ANKRD36: variants seen among roughly 807,000 people sequenced by gnomAD.
ANKRD36 encodes ankyrin repeat domain-containing protein 36A.
Under a neutral mutation model 278.1 loss-of-function variants are expected in ANKRD36, and 179 were observed. That is an observed-to-expected ratio of 0.64 (90% CI 0.57 to 0.73). The LOEUF (loss-of-function observed/expected upper bound fraction) is 0.73, where lower values mean the gene tolerates loss of function less well. ANKRD36 is among the 30% of genes least tolerant of loss of function. The pLI is 0.00. For missense variants in ANKRD36, 1,159 were observed against 1,956.7 expected (o/e 0.59, Z 7.69); for synonymous variants, 320 against 641.1 (o/e 0.50, Z 7.57).
At chr2:97,221,178 T>A (rs1487466266) in intron 66 of ANKRD36, among the ~76,000 whole-genome samples, 1 of 134,758 alleles carries the variant, frequency 7.4e-6, no homozygotes, top group Non-Finnish European at 1.5e-5. Context: ...AGTCTATCAT[T>A]GTTGGACATT....
chr2:97,124,331 A>G, intron 4 of ANKRD36, 129 bp from the exon 5 acceptor site: 9 of 1,251,278 alleles, frequency 7.2e-6, no homozygotes, highest in Non-Finnish European at 9.6e-6. Flanking sequence ...AGCACCCAAG[A>G]TGCTTGTTTC....
rs551341687 is a variant in ANKRD36 at position 97,181,836 on chromosome 2, A to G, written c.1837+43A>G. On this transcript the variant is annotated intron_variant, in intron 26 of 75. Transcript: ENST00000420699. Reference sequence around the variant, plus strand: ...ATTTAATGTCATGTTCAGTCAAGATAGAAAAGTACTTCTCTTCCCCGAATA... The same window carrying G: ...ATTTAATGTCATGTTCAGTCAAGATGGAAAAGTACTTCTCTTCCCCGAATA... 3.0e-4 allele frequency: 423 copies of G among 1,392,558 alleles called. 4 individuals are homozygous for G. In the African/African-American group the frequency reaches 4.9e-3, roughly 16 times the overall value. The allele number at this position is 1,392,558 out of a possible 1,614,324, so 86.3% of individuals were successfully genotyped here. A position where few individuals can be genotyped will look rare whatever the true frequency, so the allele number is the denominator to read the frequency against.
intron 22 of ANKRD36, among the ~76,000 whole-genome samples, chr2:97,173,097 A>G (rs1055607633): frequency 2.6e-5 from 4 of 151,448 alleles, no homozygotes; most frequent in Non-Finnish European, 5.9e-5. Flanking sequence ...ATTTTGGTGC[A>G]TCAAGGAGAG....
chr2:97,228,339 T>G (rs1335529953), intron 67 of ANKRD36, among the ~76,000 whole-genome samples: 2 of 152,082 alleles, frequency 1.3e-5, no homozygotes, highest in Non-Finnish European at 2.9e-5. Context: ...ATTCAGAGAT[T>G]CAACTTCTTC....
intron 10 of ANKRD36, among the ~76,000 whole-genome samples, chr2:97,145,206 T>C (rs1335257454): frequency 2.0e-5 from 3 of 151,838 alleles, no homozygotes; most frequent in Non-Finnish European, 4.4e-5. Context: ...AAAGAAGTTA[T>C]TTGTTTAATT....
chr2:97,200,712 T>C (rs879306812), intron 46 of ANKRD36, among the ~76,000 whole-genome samples, 187 bp downstream of exon 46: 2 of 151,858 alleles, frequency 1.3e-5, no homozygotes, highest in African/African-American at 4.8e-5. Context: ...CGCTGTAAGA[T>C]TATACGCATC....
chr2:97,217,998 G>A (rs540394559), intron 64 of ANKRD36, among the ~76,000 whole-genome samples: 2 of 152,096 alleles, frequency 1.3e-5, no homozygotes, highest in Non-Finnish European at 2.9e-5. Flanking sequence ...ACTGGAATCA[G>A]GAAGGAGTGC....
rs571045355 is a variant in ANKRD36 at position 97,202,404 on chromosome 2, A to G, written c.2959+11A>G. On this transcript the variant is annotated intron_variant, in intron 48 of 75. Coordinates refer to ENST00000420699, the MANE Select transcript of ANKRD36 (RefSeq NM_001354587.1). Reference sequence around the variant, plus strand: ...AAAAATCTAGGACAGGTAATTTTGAAAACAGATTTAATGTCATGTTCAGTC... The same window carrying G: ...AAAAATCTAGGACAGGTAATTTTGAGAACAGATTTAATGTCATGTTCAGTC... 1 of 1,546,344 alleles carries G rather than the reference A, an allele frequency of 6.5e-7. No individual in the cohort carries two copies. Among genetic ancestry groups the G allele is most frequent in the Non-Finnish European group, 8.7e-7 (1 of 1,147,462 alleles).
intron 64 of ANKRD36, 133 bp downstream of exon 64, chr2:97,217,505 A>G (rs999646014): frequency 1.6e-6 from 2 of 1,267,288 alleles, no homozygotes; most frequent in African/African-American, 3.1e-5. Context: ...GTGCATTTCT[A>G]CTGAGTTGTC....
At chr2:97,199,269 A>G (rs1453670178) in intron 44 of ANKRD36, among the ~76,000 whole-genome samples, 1 of 151,950 alleles carries the variant, frequency 6.6e-6, no homozygotes, top group African/African-American at 2.4e-5. Flanking sequence ...GGAAGCAGGA[A>G]ACAATGGTAT....
At chr2:97,137,583 A>G (rs1390793498) in intron 6 of ANKRD36, among the ~76,000 whole-genome samples, 3 of 93,922 alleles carry the variant, frequency 3.2e-5, no homozygotes, top group Non-Finnish European at 9.8e-5. Context: ...CACTGTACAT[A>G]TATATATATA....
At chr2:97,198,763 T>A in intron 44 of ANKRD36, 105 bp downstream of exon 44, 1 of 1,219,534 alleles carries the variant, frequency 8.2e-7, no homozygotes, top group Non-Finnish European at 1.1e-6. Flanking sequence ...ACATTCTGAT[T>A]CAGCAGTCCT....
At position 97,177,739 on chromosome 2, in the gene ANKRD36, G is replaced by T. The variant is rs1465095760; in HGVS notation, c.1634-1999G>T. ...CATAAAAACCCTAGAAGAAAACCTA[G>T]CCATTACCATTCAGGACATAGGCAT... On this transcript the variant is annotated intron_variant, in intron 22 of 75. Transcript: ENST00000420699. Among the ~76,000 whole-genome samples the T allele has an allele frequency of 4.0e-5, 6 of 151,736 alleles. No individual in the cohort carries two copies. In the Admixed American group the frequency reaches 4.0e-4, roughly 10 times the overall value.
intron 22 of ANKRD36, among the ~76,000 whole-genome samples, chr2:97,176,910 T>C (rs1377881975): frequency 6.6e-6 from 1 of 151,802 alleles, no homozygotes; most frequent in East Asian, 1.9e-4. Flanking sequence ...GATATGAAAA[T>C]TGTATATCTA....
intron 42 of ANKRD36, among the ~76,000 whole-genome samples, chr2:97,197,881 C>T (rs562987370): frequency 2.0e-5 from 3 of 151,808 alleles, no homozygotes; most frequent in East Asian, 2.0e-4. Context: ...TACTCCATAT[C>T]GGGGTGAGAG....
intron 66 of ANKRD36, among the ~76,000 whole-genome samples, chr2:97,220,149 G>A (rs1441474339): frequency 6.2e-5 from 9 of 145,500 alleles, no homozygotes; most frequent in Non-Finnish European, 1.2e-4. Flanking sequence ...TGGAGTAGAT[G>A]AGATAGTTTG....
intron 22 of ANKRD36, among the ~76,000 whole-genome samples, chr2:97,176,756 T>G (rs961671210): frequency 4.0e-5 from 6 of 151,678 alleles, no homozygotes; most frequent in African/African-American, 9.7e-5. Context: ...TTTTGCAGAG[T>G]CTGGTACCGG....
chr2:97,148,610 G>A (rs1358312213), intron 11 of ANKRD36, among the ~76,000 whole-genome samples: 14 of 151,384 alleles, frequency 9.2e-5, no homozygotes, highest in Admixed American at 2.6e-4. Context: ...GACGATAATT[G>A]GATTTTAAAA....
In ANKRD36 at chr2:97,144,657, T is replaced by C. The variant is rs772222213; in HGVS notation, c.948T>C (p.Asp316=). The C allele has an allele frequency of 2.6e-6, 4 of 1,543,658 alleles. No homozygotes were observed. The highest frequency in any genetic ancestry group is 1.2e-5 in the South Asian group (1 of 84,086). The change falls in exon 10 of 76, where the codon GAT becomes GAC. Residue 316 remains aspartate, a synonymous_variant. Transcript: ENST00000420699. ...CCACTCAGGATACAAGTGACAAGGA[T>C]GATTCTGTTTCGAACACAGCCACAG... ...QPALKDTSDK[D]DSVSNTATEI...
Sources: gnomAD v4.1 joint callset for allele counts (sites outside exome capture counted in the v4.1 genomes callset) on GRCh38, gnomAD v4.1.1 for gene constraint, MANE v1.5 for transcripts, NCBI Gene and HGNC (gene_info 2026-07-23, HGNC 2026-07-21) for gene names.